Variants in ABR observed in about 807,000 individuals in gnomAD.
ABR encodes the protein active breakpoint cluster region-related protein.
ABR carries 35 observed loss-of-function variants against 107.2 expected under a neutral mutation model. The ratio of observed to expected loss-of-function variants is 0.33; its 90% confidence interval spans 0.25 to 0.43. The LOEUF (loss-of-function observed/expected upper bound fraction) is 0.43, where lower values mean the gene tolerates loss of function less well. Among genes scored for constraint, ABR ranks in the 20% least tolerant of loss-of-function variants. The probability of loss-of-function intolerance (pLI) is 1.00; values close to 1 mark genes in which losing one functional copy is unlikely to be tolerated. For missense variants in ABR, 815 were observed against 1,115.2 expected (o/e 0.73, Z 3.83); for synonymous variants, 498 against 462.0 (o/e 1.08, Z -1.00).
At chr17:1,076,891 C>T (rs954496572) in intron 6 of ABR, among the ~76,000 whole-genome samples, 1 of 152,200 alleles carries the variant, frequency 6.6e-6, no homozygotes, top group Non-Finnish European at 1.5e-5. Flanking sequence ...TGGGCTCCTG[C>T]AGGCTGGCCT....
chr17:1,042,550 G>C (rs1439981815), intron 16 of ABR, among the ~76,000 whole-genome samples: 1 of 63,694 alleles, frequency 1.6e-5, no homozygotes, highest in African/African-American at 5.1e-5. Flanking sequence ...CTACATCCAT[G>C]GACGGATGGA....
At chr17:1,108,355 G>A (rs531517384) in intron 2 of ABR, among the ~76,000 whole-genome samples, 1 of 152,240 alleles carries the variant, frequency 6.6e-6, no homozygotes, top group South Asian at 2.1e-4. Flanking sequence ...AGAGAACGCC[G>A]TCAGCCCCAG....
intron 1 of ABR, among the ~76,000 whole-genome samples, chr17:1,208,423 A>G (rs2042837152): frequency 6.6e-6 from 1 of 152,196 alleles, no homozygotes; most frequent in African/African-American, 2.4e-5. Flanking sequence ...GGTGATTCCC[A>G]CACCATCACT....
intron 10 of ABR, among the ~76,000 whole-genome samples, chr17:1,065,524 G>T (rs56211852): frequency 7.2e-5 from 2 of 27,738 alleles, no homozygotes; most frequent in Admixed American, 4.2e-4. Context: ...TCCTCTAGAC[G>T]CTGTTGTTAT....
chr17:1,139,692 T>C (rs1162154323), intron 1 of ABR, among the ~76,000 whole-genome samples: 2 of 152,194 alleles, frequency 1.3e-5, no homozygotes, highest in Non-Finnish European at 2.9e-5. Context: ...GGAGTTAAGT[T>C]ACTCGCCCAA....
chr17:1,133,180 T>A (rs1597926846), intron 1 of ABR, among the ~76,000 whole-genome samples: 1 of 151,224 alleles, frequency 6.6e-6, no homozygotes, highest in African/African-American at 2.4e-5. Flanking sequence ...AGGTGGAGGT[T>A]GCGGTGAGCC....
At chr17:1,112,267 G>A (rs2038718393) in intron 2 of ABR, among the ~76,000 whole-genome samples, 2 of 152,238 alleles carry the variant, frequency 1.3e-5, no homozygotes, top group African/African-American at 4.8e-5. Flanking sequence ...GGGTGAGGAC[G>A]TGTGAACACA....
At chr17:1,218,230 C>G (rs1450211423) in intron 1 of ABR, among the ~76,000 whole-genome samples, 3 of 152,150 alleles carry the variant, frequency 2.0e-5, no homozygotes, top group African/African-American at 7.2e-5. Flanking sequence ...AGAAAATAAG[C>G]TTATAGACAG....
At chr17:1,130,564 C>T (rs1471680300) in intron 1 of ABR, among the ~76,000 whole-genome samples, 4 of 152,318 alleles carry the variant, frequency 2.6e-5, no homozygotes, top group South Asian at 2.1e-4. Context: ...CCTGTGACAT[C>T]GGACTCCTTC....
At chr17:1,021,941 T>C (rs1161672557) in intron 16 of ABR, among the ~76,000 whole-genome samples, 1 of 150,312 alleles carries the variant, frequency 6.7e-6, no homozygotes, top group African/African-American at 2.5e-5. Context: ...GGCGGATCAC[T>C]CGAGCTCAGG....
At chr17:1,125,936 C>T (rs994807792) in intron 1 of ABR, among the ~76,000 whole-genome samples, 9 of 152,130 alleles carry the variant, frequency 5.9e-5, no homozygotes, top group African/African-American at 1.7e-4. Context: ...GGCAGCAGGG[C>T]GTGGGCGAGG....
chr17:1,057,416 C>T lies in ABR; in HGVS notation c.1382-314G>A, dbSNP rs371360466. Among the ~76,000 whole-genome samples the T allele has an allele frequency of 2.8e-3, 419 of 149,148 alleles. 2 individuals carry two copies. Among genetic ancestry groups the T allele is most frequent in the African/African-American group, 9.6e-3 (387 of 40,358 alleles). On this transcript the variant is annotated intron_variant, in intron 12 of 22. Coordinates refer to ENST00000302538, the MANE Select transcript of ABR (RefSeq NM_021962.5). Reference sequence around the variant, plus strand: ...TTTTTTAAACGGAGTCTCACTCTGTCGCCCAGGCTGGAGTGCAGTGCTGTG... The same window carrying T: ...TTTTTTAAACGGAGTCTCACTCTGTTGCCCAGGCTGGAGTGCAGTGCTGTG...
chr17:1,007,662 T>TTTTG (rs1567553974), intron 21 of ABR, among the ~76,000 whole-genome samples: 2 of 152,308 alleles, frequency 1.3e-5, no homozygotes, highest in South Asian at 4.1e-4. Flanking sequence ...GCCGCAGTCC[T>TTTTG]TTGAGGTAAA....
chr17:1,076,101 C>T (rs2035685389), intron 6 of ABR, among the ~76,000 whole-genome samples: 1 of 152,176 alleles, frequency 6.6e-6, no homozygotes, highest in Non-Finnish European at 1.5e-5. Flanking sequence ...CTCCTGGCCT[C>T]AAGCCAAATA....
At chr17:1,008,757 C>G (rs1368082911) in intron 21 of ABR, among the ~76,000 whole-genome samples, 1 of 152,246 alleles carries the variant, frequency 6.6e-6, no homozygotes, top group African/African-American at 2.4e-5. Context: ...GCAGAGCAGT[C>G]TGAGGGGGCT....
chr17:1,079,300 G>T, intron 6 of ABR, 30 bp downstream of exon 6: 1 of 1,608,096 alleles, frequency 6.2e-7, no homozygotes, highest in Non-Finnish European at 8.5e-7. Context: ...AAAGGTAGGT[G>T]CCTGTAATCC....
At chr17:1,181,355 G>A (rs1474725400), upstream of ABR, among the ~76,000 whole-genome samples, 2 of 152,228 alleles carry the variant, frequency 1.3e-5, no homozygotes, top group East Asian at 1.9e-4. Flanking sequence ...GAGCCCCTGG[G>A]AGACGCACAG....
At chr17:1,099,094 T>TC (rs2037696198) in intron 3 of ABR, among the ~76,000 whole-genome samples, 1 of 151,306 alleles carries the variant, frequency 6.6e-6, no homozygotes, top group Non-Finnish European at 1.5e-5. Flanking sequence ...GCCTTTTTTT[T>TC]TGAGGAATTT....
At chr17:1,142,837 G>T (rs1031298805) in intron 1 of ABR, among the ~76,000 whole-genome samples, 1 of 152,176 alleles carries the variant, frequency 6.6e-6, no homozygotes. Context: ...GGCCTGGCCT[G>T]TAGCAGCCAC....
Sources: allele counts gnomAD v4.1 joint callset (sites outside exome capture counted in the v4.1 genomes callset), GRCh38; gene constraint gnomAD v4.1.1; transcripts MANE v1.5; gene names NCBI Gene and HGNC (gene_info 2026-07-23, HGNC 2026-07-21).